The following SGCZ variants were observed in gnomAD, a reference collection of about 807,000 sequenced individuals.
SGCZ encodes the protein zeta-sarcoglycan.
In SGCZ, 40 loss-of-function variants were observed where a neutral mutation model predicts 41.3. The ratio of observed to expected loss-of-function variants is 0.97; its 90% confidence interval spans 0.75 to 1.26. The LOEUF is 1.26. Among genes scored for constraint, SGCZ ranks in the 50% most tolerant of loss-of-function variants. SGCZ has a pLI of 0.00. For synonymous variants in SGCZ, 206 were observed against 137.5 expected (o/e 1.50, Z -3.49); for missense variants, 552 against 369.8 (o/e 1.49, Z -4.04).
At chr8:14,397,849 C>G (rs1260550321) in intron 2 of SGCZ, among the ~76,000 whole-genome samples, 2 of 152,116 alleles carry the variant, frequency 1.3e-5, no homozygotes, top group African/African-American at 4.8e-5. Context: ...GATTGTCAAC[C>G]CTGAGCAGAG....
At chr8:15,082,423 T>A (rs1805788532) in intron 1 of SGCZ, among the ~76,000 whole-genome samples, 1 of 124,320 alleles carries the variant, frequency 8.0e-6, no homozygotes, top group South Asian at 2.6e-4. Context: ...CACATATATA[T>A]GTGTGTGTGT....
chr8:14,679,878 T>A (rs963046111), intron 1 of SGCZ, among the ~76,000 whole-genome samples: 10 of 149,718 alleles, frequency 6.7e-5, no homozygotes, highest in Non-Finnish European at 1.5e-4. Flanking sequence ...TTTGATACTA[T>A]ATATTTTTTA....
At chr8:14,761,531 A>ATTTTTTTTTTTTT (rs1293472620) in intron 1 of SGCZ, among the ~76,000 whole-genome samples, 1 of 139,534 alleles carries the variant, frequency 7.2e-6, no homozygotes, top group Non-Finnish European at 1.5e-5. Context: ...TTATTTATTT[A>ATTTTTTTTTTTTT]TTTATTTATT....
At chr8:14,803,612 A>G (rs1801409621) in intron 1 of SGCZ, among the ~76,000 whole-genome samples, 1 of 152,124 alleles carries the variant, frequency 6.6e-6, no homozygotes. Context: ...CTAGCACAGC[A>G]GTCTGAGATC....
intron 3 of SGCZ, among the ~76,000 whole-genome samples, chr8:14,295,904 G>A (rs1032325702): frequency 4.6e-5 from 7 of 152,070 alleles, no homozygotes; most frequent in African/African-American, 1.7e-4. Context: ...CCCCTATTAG[G>A]TCTGTAGCCA....
At chr8:14,287,378 C>T (rs1026882607) in intron 3 of SGCZ, among the ~76,000 whole-genome samples, 1 of 151,880 alleles carries the variant, frequency 6.6e-6, no homozygotes, top group Non-Finnish European at 1.5e-5. Flanking sequence ...TTTGACTTTG[C>T]TTAATAACAA....
At chr8:14,571,312 G>T (rs1428364618) in intron 1 of SGCZ, among the ~76,000 whole-genome samples, 1 of 152,204 alleles carries the variant, frequency 6.6e-6, no homozygotes, top group Non-Finnish European at 1.5e-5. Context: ...TTTGAGAAGA[G>T]ATTTGGGTGG....
At chr8:14,246,489 T>A (rs967908294) in intron 3 of SGCZ, among the ~76,000 whole-genome samples, 1 of 151,576 alleles carries the variant, frequency 6.6e-6, no homozygotes, top group African/African-American at 2.4e-5. Flanking sequence ...GAGATATACC[T>A]AATGCTAAAT....
At chr8:14,771,734 T>G (rs1800246620) in intron 1 of SGCZ, among the ~76,000 whole-genome samples, 1 of 152,116 alleles carries the variant, frequency 6.6e-6, no homozygotes, top group Non-Finnish European at 1.5e-5. Flanking sequence ...ATCAAGAAAA[T>G]TATGTTTCAC....
intron 1 of SGCZ, among the ~76,000 whole-genome samples, chr8:14,569,640 A>C (rs1040758669): frequency 6.6e-6 from 1 of 152,232 alleles, no homozygotes; most frequent in Non-Finnish European, 1.5e-5. Flanking sequence ...TAAATGTAAC[A>C]TATGGTAAGT....
chr8:14,718,118 T>C (rs977818196), intron 1 of SGCZ, among the ~76,000 whole-genome samples: 3 of 151,800 alleles, frequency 2.0e-5, no homozygotes, highest in South Asian at 2.1e-4. Flanking sequence ...CTAAGCTAAA[T>C]GTTATACTTT....
chr8:14,679,213 T>C (rs993986111), intron 1 of SGCZ, among the ~76,000 whole-genome samples: 1 of 152,132 alleles, frequency 6.6e-6, no homozygotes, highest in South Asian at 2.1e-4. Context: ...GACTTACTGG[T>C]TCATATATTT....
At chr8:15,037,138 C>T (rs536208212) in intron 1 of SGCZ, among the ~76,000 whole-genome samples, 1 of 152,180 alleles carries the variant, frequency 6.6e-6, no homozygotes, top group African/African-American at 2.4e-5. Context: ...GGCTGTGTCC[C>T]CACACAAATC....
At chr8:14,946,420 C>A (rs1800447783) in intron 1 of SGCZ, among the ~76,000 whole-genome samples, 1 of 152,004 alleles carries the variant, frequency 6.6e-6, no homozygotes, top group African/African-American at 2.4e-5. Context: ...TGCCCTGTAG[C>A]CAATAGCAGC....
intron 1 of SGCZ, among the ~76,000 whole-genome samples, chr8:15,124,775 G>A (rs532060428): frequency 6.6e-6 from 1 of 152,268 alleles, no homozygotes; most frequent in East Asian, 1.9e-4. Context: ...CAAACAACGT[G>A]ATTGCATTTT....
intron 1 of SGCZ, among the ~76,000 whole-genome samples, chr8:14,589,021 T>C (rs958446589): frequency 6.6e-6 from 1 of 152,156 alleles, no homozygotes; most frequent in Non-Finnish European, 1.5e-5. Context: ...AAAATATGCA[T>C]TCTTCTTTCA....
In SGCZ at chr8:14,376,318, TAAAATAAAATAA is replaced by T. The variant is rs1282168339; in HGVS notation, c.235-52126_235-52115del. 5.4e-4 allele frequency among the ~76,000 whole-genome samples: 81 copies of T among 150,492 alleles called. 1 individual carries two copies. The highest frequency in any genetic ancestry group is 3.4e-3 in the Middle Eastern group (1 of 290). ...AGAGCGGGACTCAATCTCAAAAAAA[TAAAATAAAATAA>T]AAAATAAAATAAAAAAAATACAATG... On this transcript the variant is annotated intron_variant, in intron 2 of 7. Coordinates refer to ENST00000382080, the MANE Select transcript of SGCZ (RefSeq NM_139167.4).
At chr8:14,387,810 C>T (rs1379907654) in intron 2 of SGCZ, among the ~76,000 whole-genome samples, 1 of 151,980 alleles carries the variant, frequency 6.6e-6, no homozygotes, top group East Asian at 1.9e-4. Context: ...GAGTTTTAGT[C>T]TTCATCTGGT....
At chr8:14,636,721 T>C (rs977908317) in intron 1 of SGCZ, among the ~76,000 whole-genome samples, 1 of 151,824 alleles carries the variant, frequency 6.6e-6, no homozygotes, top group South Asian at 2.1e-4. Context: ...GTATCACAAG[T>C]ATATGGGAAG....
Sources: allele counts gnomAD v4.1 joint callset (sites outside exome capture counted in the v4.1 genomes callset), GRCh38; gene constraint gnomAD v4.1.1; transcripts MANE v1.5; gene names NCBI Gene and HGNC (gene_info 2026-07-23, HGNC 2026-07-21).